DNAAF3: variants seen among roughly 807,000 people sequenced by gnomAD.
The protein encoded by DNAAF3 is UPF0470 protein C19orf51.
In DNAAF3, 40 loss-of-function variants were observed where a neutral mutation model predicts 50.9. The ratio of observed to expected loss-of-function variants is 0.79; its 90% CI spans 0.61 to 1.02. The LOEUF (loss-of-function observed/expected upper bound fraction) is 1.02. Ranked by LOEUF, DNAAF3 falls within the 50% of genes least tolerant of loss-of-function variation. The probability of loss-of-function intolerance (pLI) is 0.00; values close to 1 mark genes in which losing one functional copy is unlikely to be tolerated. For synonymous variants in DNAAF3, 327 were observed against 322.8 expected (o/e 1.01, Z -0.14); for missense variants, 763 against 744.7 (o/e 1.02, Z -0.29).
At position 55,161,603 on chromosome 19, in the gene DNAAF3, C is replaced by G; in HGVS notation, c.663+40G>C. On this transcript the variant is annotated intron_variant, in intron 6 of 11. Transcript: ENST00000524407. This position sits in a 1 kb window ranked among gnomAD's most constrained non-coding sequence, Gnocchi z 6.4. ...CCCCCAGCCCCTCCTCCCTCAGACC[C>G]AGGGGTCCAGGCCCCCAGCCCCTCT... 2.0e-6 allele frequency: 3 copies of G among 1,510,120 alleles called. No homozygotes were observed. Among genetic ancestry groups the G allele is most frequent in the Non-Finnish European group, 2.7e-6 (3 of 1,131,132 alleles). The allele number at this position is 1,510,120 out of a possible 1,614,324, so 93.5% of individuals were successfully genotyped here.
chr19:55,161,924 C>T lies in DNAAF3; in HGVS notation c.481-99G>A, dbSNP rs567514867. The T allele has an allele frequency of 3.7e-6, 5 of 1,341,096 alleles. No homozygotes were observed. Among genetic ancestry groups the T allele is most frequent in the African/African-American group, 3.1e-5 (2 of 64,880 alleles). The allele number at this position is 1,341,096 out of a possible 1,614,324, so 83.1% of individuals were successfully genotyped here. On this transcript the variant is annotated intron_variant, in intron 5 of 11. Transcript: ENST00000524407. This position sits in a 1 kb window ranked among gnomAD's most constrained non-coding sequence, Gnocchi z 6.4. ...TCTCTTCCATCCCAGAACAGGGGAA[C>T]GATTCCCCCGTTTCTCGGATGGAAA...
At position 55,159,334 on chromosome 19, in the gene DNAAF3, C is replaced by T. The variant is rs546293010; in HGVS notation, c.1354G>A (p.Ala452Thr). 21 of 1,614,030 alleles carry T rather than the reference C, an allele frequency of 1.3e-5. No individual in the cohort carries two copies. Among genetic ancestry groups the T allele is most frequent in the Admixed American group, 5.0e-5 (3 of 60,006 alleles). ...QTGARPSETF[A>T]RFCKSQESAL... ...GATTCCTGGGACTTGCAGAAACGTG[C>T]GAAGGTCTCTGAAGGCCTGGCCCCG... The change falls in exon 12 of 12, where the codon GCA (alanine) becomes ACA (threonine). Residue 452 changes from alanine (A) to threonine (T), a missense_variant. By Grantham distance (58) the Ala-to-Thr change is moderately conservative. Coordinates refer to ENST00000524407, the MANE Select transcript of DNAAF3 (RefSeq NM_001256715.2).
chr19:55,165,542 G>T, intron 3 of DNAAF3, 79 bp from the exon 4 acceptor site: 2 of 1,402,822 alleles, frequency 1.4e-6, no homozygotes, highest in Non-Finnish European at 2.0e-6. Flanking sequence ...CAGGCCCTCA[G>T]CTCTCTCCTT....
In DNAAF3 at chr19:55,158,982, G is replaced by C; in HGVS notation, c.*80C>G. On this transcript the variant is annotated 3_prime_UTR_variant, in exon 12 of 12. Transcript: ENST00000524407. Reference sequence around the variant, plus strand: ...GAATAAAATTGAGGACTCTAGCAGCGGACTTAGAATGGTATCAGCGGGTTC... The same window carrying C: ...GAATAAAATTGAGGACTCTAGCAGCCGACTTAGAATGGTATCAGCGGGTTC... 6.8e-7 allele frequency: 1 copy of C among 1,463,536 alleles called. No individual in the cohort carries two copies. The highest frequency in any genetic ancestry group is 9.2e-7 in the Non-Finnish European group (1 of 1,091,888). The allele number at this position is 1,463,536 out of a possible 1,614,324, so 90.7% of individuals were successfully genotyped here. A position where few individuals can be genotyped will look rare whatever the true frequency, so the allele number is the denominator to read the frequency against.
At position 55,160,637 on chromosome 19, in the gene DNAAF3, T is replaced by C. The variant is rs1261328449; in HGVS notation, c.1048+3A>G. On this transcript the variant is annotated splice_donor_region_variant and intron_variant, in intron 9 of 11. Coordinates refer to ENST00000524407, the MANE Select transcript of DNAAF3 (RefSeq NM_001256715.2). The surrounding 1 kb of genome is among the most constrained non-coding windows in gnomAD (Gnocchi z 4.7). ...GGCTTACCTGTTGTTGTCCCTGGCT[T>C]ACCTGGAGTCCCTGGCTCCGGGCTT... The C allele has an allele frequency of 1.2e-6, 2 of 1,611,032 alleles. No individual in the cohort carries two copies. Among genetic ancestry groups the C allele is most frequent in the African/African-American group, 2.7e-5 (2 of 74,392 alleles).
In DNAAF3 at chr19:55,160,916, G is replaced by C; in HGVS notation, c.913-141C>G. 6.9e-7 allele frequency: 1 copy of C among 1,449,190 alleles called. No homozygotes were observed. Among genetic ancestry groups the C allele is most frequent in the Non-Finnish European group, 9.1e-7 (1 of 1,102,056 alleles). The allele number at this position is 1,449,190 out of a possible 1,614,324, so 89.8% of individuals were successfully genotyped here. On this transcript the variant is annotated intron_variant, in intron 8 of 11. Coordinates refer to ENST00000524407, the MANE Select transcript of DNAAF3 (RefSeq NM_001256715.2). This position sits in a 1 kb window ranked among gnomAD's most constrained non-coding sequence, Gnocchi z 4.7. Reference sequence around the variant, plus strand: ...AGTGGGGCGGGACCTATCCCGCGGGGATGGGGCCTGTTCTCTGAATGGAGT... The same window carrying C: ...AGTGGGGCGGGACCTATCCCGCGGGCATGGGGCCTGTTCTCTGAATGGAGT...
At position 55,160,743 on chromosome 19, in the gene DNAAF3, C is replaced by T. The variant is rs368225337; in HGVS notation, c.945G>A (p.Thr315=). The change falls in exon 9 of 12, where the codon ACG becomes ACA. Residue 315 remains threonine (T), a synonymous_variant. Coordinates refer to ENST00000524407, the MANE Select transcript of DNAAF3 (RefSeq NM_001256715.2). This position sits in a 1 kb window ranked among gnomAD's most constrained non-coding sequence, Gnocchi z 4.7. ...AGGCGGCCACGTCGCGGAGCAGCTC[C>T]GTCACGTTGTGTTGAGTGATCTCCC... is the stretch of plus-strand genomic sequence containing the variant. ...TAGEITQHNV[T]ELLRDVAAWG... 6.2e-6 allele frequency: 10 copies of T among 1,612,302 alleles called. No homozygotes were observed. The African/African-American group carries it at 8.0e-5, about 13-fold the overall frequency.
chr19:55,161,608 G>A lies in DNAAF3; in HGVS notation c.663+35C>T, dbSNP rs561567897. The A allele has an allele frequency of 5.3e-6, 8 of 1,514,558 alleles. No individual in the cohort carries two copies. The African/African-American group carries it at 9.7e-5, about 18-fold the overall frequency. 93.8% of individuals were successfully genotyped at this position (1,514,558 alleles called of 1,614,324 possible). A position where few individuals can be genotyped will look rare whatever the true frequency, so the allele number is the denominator to read the frequency against. ...AGCCCCTCCTCCCTCAGACCCAGGG[G>A]TCCAGGCCCCCAGCCCCTCTCCTGG... On this transcript the variant is annotated intron_variant, in intron 6 of 11. Transcript: ENST00000524407. The surrounding 1 kb of genome is among the most constrained non-coding windows in gnomAD (Gnocchi z 6.4).
rs2085827920 is a variant in DNAAF3, at chr19:55,161,372, C to G, written c.710G>C (p.Gly237Ala). 6.2e-7 allele frequency: 1 copy of G among 1,608,278 alleles called. No homozygotes were observed. The highest frequency in any genetic ancestry group is 8.5e-7 in the Non-Finnish European group (1 of 1,177,872). ...GGAGTCCCTGAGTTCAAAGGCGACG[C>G]CTGTGTCCCGCCAGCGTCGGAACTC... ...PQEFRRWRDT[G>A]VAFELRDSSA... The change falls in exon 7 of 12, where the codon GGC becomes GCC. Residue 237 changes from glycine to alanine, a missense_variant. Transcript: ENST00000524407. The surrounding 1 kb of genome is among the most constrained non-coding windows in gnomAD (Gnocchi z 6.4).
At chr19:55,164,318 T>G (rs747412818) in intron 4 of DNAAF3, among the ~76,000 whole-genome samples, 3 of 151,992 alleles carry the variant, frequency 2.0e-5, no homozygotes, top group Non-Finnish European at 4.4e-5. Flanking sequence ...CCGGCTCTAC[T>G]AAAAATACAA....
Position 55,161,711 on chromosome 19 carries a change from C to G in DNAAF3, c.595G>C (p.Gly199Arg). 6.5e-7 allele frequency: 1 copy of G among 1,541,656 alleles called. No homozygotes were observed. Among genetic ancestry groups the G allele is most frequent in the African/African-American group, 1.4e-5 (1 of 73,066 alleles). The change falls in exon 6 of 12, where the codon GGC (glycine) becomes CGC (arginine). Residue 199 changes from glycine to arginine, a missense_variant. Gly to Arg is a moderately radical substitution (Grantham distance 125, BLOSUM62 -2). Transcript: ENST00000524407. This position sits in a 1 kb window ranked among gnomAD's most constrained non-coding sequence, Gnocchi z 6.4. ...LWDSRLRHYL[G>R]SRYDARRGVS... ...CCGCGCCGGGCGTCGTAGCGGGAGCCCAGGTAGTGGCGCAGGCGCGAGTCC... is the reference window on the plus strand; with the variant it reads ...CCGCGCCGGGCGTCGTAGCGGGAGCGCAGGTAGTGGCGCAGGCGCGAGTCC...
chr19:55,163,257 C>T (rs2085875083), intron 4 of DNAAF3, among the ~76,000 whole-genome samples: 1 of 151,316 alleles, frequency 6.6e-6, no homozygotes, highest in South Asian at 2.1e-4. Context: ...ATCCACCCGC[C>T]TCAGCCTCCC....
Position 55,160,016 on chromosome 19 carries a change from G to A in DNAAF3, c.1049-3C>T, listed in dbSNP as rs747311078. 6 of 1,560,282 alleles carry A rather than the reference G, an allele frequency of 3.8e-6. No homozygotes were observed. In the Admixed American group the frequency reaches 1.0e-4, roughly 26 times the overall value. On this transcript the variant is annotated splice_region_variant and splice_polypyrimidine_tract_variant and intron_variant, in intron 9 of 11. Transcript: ENST00000524407. This position sits in a 1 kb window ranked among gnomAD's most constrained non-coding sequence, Gnocchi z 4.7. ...GAAAGATTCCGGGGTCGGGGCTGCT[G>A]GGGGAAGGGGATAGAGGGGTCACCT...
intron 3 of DNAAF3, 134 bp downstream of exon 3, chr19:55,165,724 C>T: frequency 2.8e-6 from 4 of 1,450,466 alleles, no homozygotes; most frequent in South Asian, 1.3e-5. Flanking sequence ...CGCATCGGTT[C>T]GCTCCCAGCT....
At position 55,160,616 on chromosome 19, in the gene DNAAF3, T is replaced by A. The variant is rs1215396085; in HGVS notation, c.1048+24A>T. On this transcript the variant is annotated intron_variant, in intron 9 of 11. Coordinates refer to ENST00000524407, the MANE Select transcript of DNAAF3 (RefSeq NM_001256715.2). This position sits in a 1 kb window ranked among gnomAD's most constrained non-coding sequence, Gnocchi z 4.7. Reference sequence around the variant, plus strand: ...CACCTGGAGGCTGGAGTCCCTGGCTTACCTGTTGTTGTCCCTGGCTTACCT... The same window carrying A: ...CACCTGGAGGCTGGAGTCCCTGGCTAACCTGTTGTTGTCCCTGGCTTACCT... 2.7e-6 allele frequency: 4 copies of A among 1,468,130 alleles called. No individual in the cohort carries two copies. The African/African-American group carries it at 5.9e-5, about 22-fold the overall frequency. The allele number at this position is 1,468,130 out of a possible 1,614,324, so 90.9% of individuals were successfully genotyped here.
chr19:55,165,324 G>T (rs757622612), intron 4 of DNAAF3, 46 bp downstream of exon 4: 2 of 1,552,436 alleles, frequency 1.3e-6, no homozygotes, highest in African/African-American at 2.7e-5. Context: ...CCTCTAGGGA[G>T]GGGGAGGAGA....
chr19:55,160,953 A>G lies in DNAAF3; in HGVS notation c.912+112T>C. 6.9e-7 allele frequency: 1 copy of G among 1,451,096 alleles called. No individual in the cohort carries two copies. Among genetic ancestry groups the G allele is most frequent in the Non-Finnish European group, 9.1e-7 (1 of 1,104,440 alleles). The allele number at this position is 1,451,096 out of a possible 1,614,324, so 89.9% of individuals were successfully genotyped here. A position where few individuals can be genotyped will look rare whatever the true frequency, so the allele number is the denominator to read the frequency against. On this transcript the variant is annotated intron_variant, in intron 8 of 11. Transcript: ENST00000524407. The surrounding 1 kb of genome is among the most constrained non-coding windows in gnomAD (Gnocchi z 4.7). ...TCTCTGAATGGAGTCGTTCCCACCA[A>G]GCGACGGGCGGGGTCTGGAGCTGGG...
At position 55,159,533 on chromosome 19, in the gene DNAAF3, C is replaced by T. The variant is rs771791101; in HGVS notation, c.1238G>A (p.Arg413Gln). 24 of 1,596,406 alleles carry T rather than the reference C, an allele frequency of 1.5e-5. No homozygotes were observed. Among genetic ancestry groups the T allele is most frequent in the South Asian group, 4.6e-5 (4 of 87,766 alleles). Residue 413 changes from arginine to glutamine, a missense_variant and splice_region_variant, in exon 11 of 12, where the codon CGG (arginine) becomes CAG (glutamine). By Grantham distance (43) the Arg-to-Gln change is conservative. Transcript: ENST00000524407. ...CCCACCCTCCACCCCACTGACTCAC[C>T]GGGCTAATTCCACAATCAAGTTCCC... ...PGGNLIVELA[R>Q]YLVDVRQEQL...
chr19:55,159,315 T>A lies in DNAAF3; in HGVS notation c.1373A>T (p.Gln458Leu). ...SETFARFCKS[Q>L]ESALGNTVPA... ...GACAGTGTTGCCCAGAGCTGATTCC[T>A]GGGACTTGCAGAAACGTGCGAAGGT... is the stretch of plus-strand genomic sequence containing the variant. The change falls in exon 12 of 12, where the codon CAG becomes CTG. Residue 458 changes from glutamine to leucine, a missense_variant. Coordinates refer to ENST00000524407, the MANE Select transcript of DNAAF3 (RefSeq NM_001256715.2). 6.2e-7 allele frequency: 1 copy of A among 1,614,162 alleles called. No individual in the cohort carries two copies. The highest frequency in any genetic ancestry group is 2.2e-5 in the East Asian group (1 of 44,882).
Sources: gnomAD v4.1 joint callset for allele counts (sites outside exome capture counted in the v4.1 genomes callset) on GRCh38, gnomAD v4.1.1 for gene constraint, Gnocchi (gnomAD v3.1) non-coding constraint, MANE v1.5 for transcripts, NCBI Gene and HGNC (gene_info 2026-07-23, HGNC 2026-07-21) for gene names.